OPCML: variants seen among roughly 807,000 people sequenced by gnomAD.
OPCML encodes the protein opioid binding protein/cell adhesion molecule like.
OPCML carries 13 observed loss-of-function variants against 37.8 expected under a neutral mutation model. The ratio of observed to expected loss-of-function variants is 0.34; its 90% CI spans 0.22 to 0.55. The LOEUF (loss-of-function observed/expected upper bound fraction) is 0.55, where lower values mean the gene tolerates loss of function less well. OPCML is among the 20% of genes least tolerant of loss of function. OPCML has a pLI of 0.91. For missense variants in OPCML, 341 were observed against 435.6 expected, an observed-to-expected ratio of 0.78 and a Z score of 1.93; for synonymous variants, 176 against 168.8, an observed-to-expected ratio of 1.04 and a Z score of -0.33.
At position 133,315,995 on chromosome 11, in the gene OPCML, T is replaced by C. The variant is rs139981771; in HGVS notation, c.61+216269A>G. 6.3e-3 allele frequency among the ~76,000 whole-genome samples: 961 copies of C among 152,244 alleles called. 17 individuals carry two copies. The highest frequency in any genetic ancestry group is 0.022 in the African/African-American group (926 of 41,516). ...ATTTCTTGCCTCTGTTGAGCCCTCA[T>C]TGAATAGGCAAGACAAATGAGCAAA... On this transcript the variant is annotated intron_variant, in intron 1 of 7. Coordinates refer to ENST00000524381, the MANE Select transcript of OPCML (RefSeq NM_001012393.5).
chr11:132,986,774 A>G (rs1009806923), intron 1 of OPCML, among the ~76,000 whole-genome samples: 13 of 152,210 alleles, frequency 8.5e-5, no homozygotes, highest in African/African-American at 3.1e-4. Flanking sequence ...AGAGTTAATT[A>G]CCATCAGGGA....
intron 1 of OPCML, among the ~76,000 whole-genome samples, chr11:133,226,034 A>G (rs922008525): frequency 6.6e-6 from 1 of 152,258 alleles, no homozygotes; most frequent in Non-Finnish European, 1.5e-5. Context: ...TACCTGCACC[A>G]GTTGGCACAG....
At chr11:133,161,167 C>T (rs961694971) in intron 1 of OPCML, among the ~76,000 whole-genome samples, 31 of 152,180 alleles carry the variant, frequency 2.0e-4, no homozygotes, top group African/African-American at 6.5e-4. Flanking sequence ...GTTTCTGTGG[C>T]TTTGGGACTG....
intron 1 of OPCML, among the ~76,000 whole-genome samples, chr11:133,105,987 T>G (rs117491234): frequency 7.5e-5 from 7 of 93,036 alleles, no homozygotes; most frequent in Non-Finnish European, 1.5e-4. Flanking sequence ...ATCTTAAAAA[T>G]AAAAAAAAAA....
chr11:133,363,092 A>G (rs1215006579), intron 1 of OPCML, among the ~76,000 whole-genome samples: 1 of 152,166 alleles, frequency 6.6e-6, no homozygotes, highest in Non-Finnish European at 1.5e-5. Flanking sequence ...AGGACCGTTC[A>G]AGGGAGGGAT....
intron 2 of OPCML, among the ~76,000 whole-genome samples, chr11:132,847,067 C>T (rs1225436268): frequency 1.3e-5 from 2 of 152,166 alleles, no homozygotes; most frequent in Non-Finnish European, 2.9e-5. Flanking sequence ...TAATATGATA[C>T]ATCTTGGAGA....
chr11:132,579,026 C>A (rs190742140), intron 3 of OPCML, among the ~76,000 whole-genome samples: 2 of 152,124 alleles, frequency 1.3e-5, no homozygotes, highest in East Asian at 3.9e-4. Flanking sequence ...CCATTTATTT[C>A]TAAAAGGATA....
At chr11:133,347,672 T>A (rs1306665799) in intron 1 of OPCML, among the ~76,000 whole-genome samples, 1 of 152,202 alleles carries the variant, frequency 6.6e-6, no homozygotes, top group African/African-American at 2.4e-5. Flanking sequence ...CATAGCAGCA[T>A]GCTATTAATT....
At chr11:133,023,756 T>C (rs893999569) in intron 1 of OPCML, among the ~76,000 whole-genome samples, 1 of 152,166 alleles carries the variant, frequency 6.6e-6, no homozygotes, top group South Asian at 2.1e-4. Flanking sequence ...AAATAGGCTG[T>C]GGGAGAAAAT....
At chr11:133,210,061 C>T (rs941881223) in intron 1 of OPCML, among the ~76,000 whole-genome samples, 5 of 152,140 alleles carry the variant, frequency 3.3e-5, no homozygotes, top group Admixed American at 1.3e-4. Context: ...TACGTGCTAC[C>T]GCGACAATGC....
chr11:133,101,284 A>G (rs1372733588), intron 1 of OPCML, among the ~76,000 whole-genome samples: 1 of 152,214 alleles, frequency 6.6e-6, no homozygotes, highest in Admixed American at 6.5e-5. Context: ...AATAATTGAT[A>G]AGCTAGAGTG....
intron 1 of OPCML, among the ~76,000 whole-genome samples, chr11:133,495,854 T>C (rs1462719245): frequency 6.6e-6 from 1 of 152,202 alleles, no homozygotes; most frequent in Admixed American, 6.5e-5. Flanking sequence ...GTGGGTTGTC[T>C]GTTAACTCTG....
At chr11:132,826,073 G>A (rs1401149711) in intron 2 of OPCML, among the ~76,000 whole-genome samples, 4 of 152,200 alleles carry the variant, frequency 2.6e-5, no homozygotes, top group Admixed American at 2.0e-4. Flanking sequence ...GCATGTAGCA[G>A]TTCCATGGAC....
chr11:133,022,185 G>A (rs893069554), intron 1 of OPCML, among the ~76,000 whole-genome samples: 1 of 152,130 alleles, frequency 6.6e-6, no homozygotes, highest in African/African-American at 2.4e-5. Context: ...TGGAGATAGT[G>A]GAGTTTCAGA....
At chr11:133,517,651 G>A (rs1393978864) in intron 1 of OPCML, among the ~76,000 whole-genome samples, 1 of 152,228 alleles carries the variant, frequency 6.6e-6, no homozygotes, top group African/African-American at 2.4e-5. Flanking sequence ...ACTAATTGGA[G>A]CCAGGCTGAC....
At chr11:132,838,893 T>A (rs1296600492) in intron 2 of OPCML, among the ~76,000 whole-genome samples, 2 of 152,128 alleles carry the variant, frequency 1.3e-5, no homozygotes, top group Non-Finnish European at 2.9e-5. Context: ...TGGGAAACAG[T>A]AGAGCCGATA....
At chr11:133,057,735 T>C (rs185496130) in intron 1 of OPCML, among the ~76,000 whole-genome samples, 28 of 152,286 alleles carry the variant, frequency 1.8e-4, no homozygotes, top group African/African-American at 6.3e-4. Context: ...TCTGTCATCG[T>C]CCCTTCATTG....
At chr11:132,513,662 A>C (rs2096273769) in intron 4 of OPCML, among the ~76,000 whole-genome samples, 1 of 151,934 alleles carries the variant, frequency 6.6e-6, no homozygotes. Context: ...TACCTCACCC[A>C]TTTCATTTTC....
At chr11:132,865,644 G>A (rs917626234) in intron 2 of OPCML, among the ~76,000 whole-genome samples, 2 of 152,134 alleles carry the variant, frequency 1.3e-5, no homozygotes, top group Non-Finnish European at 2.9e-5. Flanking sequence ...GTCCTCTGTA[G>A]ACTTGGACCT....
Sources: allele counts gnomAD v4.1 joint callset (sites outside exome capture counted in the v4.1 genomes callset), GRCh38; gene constraint gnomAD v4.1.1; transcripts MANE v1.5; gene names NCBI Gene and HGNC (gene_info 2026-07-23, HGNC 2026-07-21).